The following TNFRSF11A variants were observed in gnomAD, a reference collection of about 807,000 sequenced individuals.
TNFRSF11A encodes the protein tumor necrosis factor receptor superfamily member 11A.
Under a neutral mutation model 55.7 loss-of-function variants are expected in TNFRSF11A, and 32 were observed. The ratio of observed to expected loss-of-function variants is 0.57; its 90% confidence interval spans 0.43 to 0.77. The LOEUF (loss-of-function observed/expected upper bound fraction) is 0.77. Among genes scored for constraint, TNFRSF11A ranks in the 30% least tolerant of loss-of-function variants. The pLI, the probability that TNFRSF11A is intolerant of heterozygous loss-of-function variation, is 0.00. For synonymous variants in TNFRSF11A, 311 were observed against 331.0 expected (o/e 0.94, Z 0.65); for missense variants, 753 against 809.8 (o/e 0.93, Z 0.85).
rs1200908304 is a variant in TNFRSF11A, at chr18:62,385,082, G to T, written c.*48G>T. ...CGAAGCTCGGAGCCAGGGCTCGCGA[G>T]GGCAGCACCGCAGCCTCTGCCCCAG... is the stretch of plus-strand genomic sequence containing the variant. On this transcript the variant is annotated 3_prime_UTR_variant, in exon 10 of 10. Coordinates refer to ENST00000586569, the MANE Select transcript of TNFRSF11A (RefSeq NM_003839.4). 8.5e-6 allele frequency: 12 copies of T among 1,419,400 alleles called. No individual in the cohort carries two copies. The highest frequency in any genetic ancestry group is 1.0e-5 in the Non-Finnish European group (11 of 1,097,468). 87.9% of individuals were successfully genotyped at this position (1,419,400 alleles called of 1,614,324 possible).
At chr18:62,355,434 C>T (rs1312311348) in intron 4 of TNFRSF11A, among the ~76,000 whole-genome samples, 1 of 152,106 alleles carries the variant, frequency 6.6e-6, no homozygotes, top group Non-Finnish European at 1.5e-5. Flanking sequence ...TGCACCACCA[C>T]GCCTGGCTAA....
In TNFRSF11A at chr18:62,325,436, C is replaced by A. The variant is rs1355622513; in HGVS notation, c.75+9C>A. The A allele has an allele frequency of 9.6e-6, 12 of 1,256,538 alleles. No individual in the cohort carries two copies. The highest frequency in any genetic ancestry group is 1.0e-5 in the Non-Finnish European group (10 of 988,100). The allele number at this position is 1,256,538 out of a possible 1,614,324, so 77.8% of individuals were successfully genotyped here. ...TGCTCGCCCGGCTGCAGGTAAGGAG[C>A]GCCCGCGCCTGCCGGGCCGCGCGGC... is the stretch of plus-strand genomic sequence containing the variant. On this transcript the variant is annotated intron_variant, in intron 1 of 9. Transcript: ENST00000586569. The surrounding 1 kb of genome is among the most constrained non-coding windows in gnomAD (Gnocchi z 4.7).
In TNFRSF11A at chr18:62,380,064, A is replaced by G. The variant is rs564771737; in HGVS notation, c.1568-4687A>G. On this transcript the variant is annotated intron_variant, in intron 9 of 9. Transcript: ENST00000586569. The stretch of plus-strand genomic sequence containing the variant: ...ACATAACTGACATAGCCCAGTGGAA[A>G]ATGAAAAATTTTCCCCTTTTGCAAA... 5.9e-5 allele frequency among the ~76,000 whole-genome samples: 9 copies of G among 152,322 alleles called. No individual in the cohort carries two copies. The South Asian group carries it at 1.9e-3, about 32-fold the overall frequency.
chr18:62,326,533 G>GT (rs1358753006), intron 1 of TNFRSF11A, among the ~76,000 whole-genome samples: 2 of 152,180 alleles, frequency 1.3e-5, no homozygotes, highest in Non-Finnish European at 2.9e-5. Context: ...GTTGAACGGG[G>GT]TGCTACCTTA....
chr18:62,379,496 A>G (rs1350933690), intron 9 of TNFRSF11A, among the ~76,000 whole-genome samples: 1 of 152,226 alleles, frequency 6.6e-6, no homozygotes, highest in Non-Finnish European at 1.5e-5. Flanking sequence ...TATTTCTATG[A>G]AAACTACTGA....
At chr18:62,378,247 A>T (rs1042921988) in intron 9 of TNFRSF11A, 1 of 152,210 alleles carries the variant, frequency 6.6e-6, no homozygotes. Flanking sequence ...TTAGATAAGG[A>T]TATTACCAAC....
At chr18:62,366,844 C>T in intron 8 of TNFRSF11A, 84 bp downstream of exon 8, 9 of 1,307,360 alleles carry the variant, frequency 6.9e-6, no homozygotes, top group Non-Finnish European at 9.9e-6. Context: ...TATTGAGCAC[C>T]CCCCCCCACC....
chr18:62,354,575 C>T (rs1909111317), intron 4 of TNFRSF11A, 41 bp downstream of exon 4: 1 of 1,599,618 alleles, frequency 6.3e-7, no homozygotes, highest in South Asian at 1.1e-5. Flanking sequence ...CTTGCTGAGC[C>T]ATGCAAAGCC....
chr18:62,368,123 A>G (rs2145352864), intron 8 of TNFRSF11A, among the ~76,000 whole-genome samples: 1 of 152,290 alleles, frequency 6.6e-6, no homozygotes, highest in African/African-American at 2.4e-5. Context: ...TAAAATGTAT[A>G]CATTTGAAAG....
chr18:62,364,127 C>A (rs1232955910), intron 7 of TNFRSF11A, among the ~76,000 whole-genome samples: 1 of 152,170 alleles, frequency 6.6e-6, no homozygotes, highest in Non-Finnish European at 1.5e-5. Context: ...CAGCCCATCC[C>A]TGGGGCCAGC....
intron 1 of TNFRSF11A, among the ~76,000 whole-genome samples, chr18:62,341,835 G>GTTT (rs1568475429): frequency 8.4e-4 from 58 of 68,840 alleles, no homozygotes; most frequent in Admixed American, 1.3e-3. Context: ...GCTGAGAATG[G>GTTT]CTTTTTTTTT....
chr18:62,332,225 T>C (rs2046165682), intron 1 of TNFRSF11A, among the ~76,000 whole-genome samples: 1 of 152,224 alleles, frequency 6.6e-6, no homozygotes, highest in Admixed American at 6.5e-5. Context: ...ATCCCACAGA[T>C]GGGAAATGGA....
intron 1 of TNFRSF11A, among the ~76,000 whole-genome samples, chr18:62,341,640 A>G (rs898164355): frequency 6.6e-6 from 1 of 151,958 alleles, no homozygotes; most frequent in East Asian, 1.9e-4. Context: ...TCACATCTCC[A>G]TTTCTCCCAG....
At position 62,368,959 on chromosome 18, in the gene TNFRSF11A, G is replaced by T; in HGVS notation, c.1042G>T (p.Glu348Ter). 1 of 1,614,258 alleles carries T rather than the reference G, an allele frequency of 6.2e-7. No homozygotes were observed. The highest frequency in any genetic ancestry group is 8.5e-7 in the Non-Finnish European group (1 of 1,180,054). Residue 348 changes from glutamate (E) to a stop codon, truncating the protein, a stop_gained, in exon 9 of 10, where the codon GAA (glutamate) becomes TAA (stop). Coordinates refer to ENST00000586569, the MANE Select transcript of TNFRSF11A (RefSeq NM_003839.4). LOFTEE classifies it high-confidence loss of function. Reference sequence around the variant, plus strand: ...CTTCAGACAGATGCCCACAGAAGATGAATACATGGACAGGCCCTCCCAGCC... The same window carrying T: ...CTTCAGACAGATGCCCACAGAAGATTAATACATGGACAGGCCCTCCCAGCC... ...DSFRQMPTED[E>*]YMDRPSQPTD...
At position 62,363,724 on chromosome 18, in the gene TNFRSF11A, G is replaced by A. The variant is rs576379534; in HGVS notation, c.730+1931G>A. 2.1e-4 allele frequency among the ~76,000 whole-genome samples: 32 copies of A among 152,248 alleles called. No homozygotes were observed. The South Asian group carries it at 6.2e-3, about 30-fold the overall frequency. Reference sequence around the variant, plus strand: ...TTGTTGAATGCCTTTATTTAGTGCAGCTTCACCTCCTTAACAACATCATTA... The same window carrying A: ...TTGTTGAATGCCTTTATTTAGTGCAACTTCACCTCCTTAACAACATCATTA... On this transcript the variant is annotated intron_variant, in intron 7 of 9. Transcript: ENST00000586569.
chr18:62,385,095 G>A lies in TNFRSF11A; in HGVS notation c.*61G>A. 1 of 1,391,536 alleles carries A rather than the reference G, an allele frequency of 7.2e-7. No homozygotes were observed. The highest frequency in any genetic ancestry group is 9.2e-7 in the Non-Finnish European group (1 of 1,082,376). 86.2% of individuals were successfully genotyped at this position (1,391,536 alleles called of 1,614,324 possible). A position where few individuals can be genotyped will look rare whatever the true frequency, so the allele number is the denominator to read the frequency against. On this transcript the variant is annotated 3_prime_UTR_variant, in exon 10 of 10. Coordinates refer to ENST00000586569, the MANE Select transcript of TNFRSF11A (RefSeq NM_003839.4). Reference sequence around the variant, plus strand: ...CAGGGCTCGCGAGGGCAGCACCGCAGCCTCTGCCCCAGCCCCGGCCACCCA... The same window carrying A: ...CAGGGCTCGCGAGGGCAGCACCGCAACCTCTGCCCCAGCCCCGGCCACCCA...
At chr18:62,349,269 CA>C (rs1226489180) in intron 2 of TNFRSF11A, among the ~76,000 whole-genome samples, 1 of 151,764 alleles carries the variant, frequency 6.6e-6, no homozygotes, top group Non-Finnish European at 1.5e-5. Flanking sequence ...CTCCATCTCC[CA>C]GAGGTTGAGG....
chr18:62,334,989 C>T (rs1444632895), intron 1 of TNFRSF11A, among the ~76,000 whole-genome samples: 1 of 152,186 alleles, frequency 6.6e-6, no homozygotes, highest in East Asian at 1.9e-4. Context: ...GCTGGAACCT[C>T]TGTCTTAAAC....
chr18:62,383,275 G>A lies in TNFRSF11A; in HGVS notation c.1568-1476G>A, dbSNP rs1414889487. Among the ~76,000 whole-genome samples the A allele has an allele frequency of 3.3e-5, 5 of 152,140 alleles. No individual in the cohort carries two copies. ...CTTGTGTCTTCATGGGCTTTTCCTT[G>A]TGTTTTGGTCTTGGCTTCTCTAGAG... is the stretch of plus-strand genomic sequence containing the variant. On this transcript the variant is annotated intron_variant, in intron 9 of 9. Transcript: ENST00000586569. This position sits in a 1 kb window ranked among gnomAD's most constrained non-coding sequence, Gnocchi z 4.2.
Sources: allele counts gnomAD v4.1 joint callset (sites outside exome capture counted in the v4.1 genomes callset), GRCh38; gene constraint gnomAD v4.1.1; non-coding constraint Gnocchi (gnomAD v3.1); transcripts MANE v1.5; gene names NCBI Gene and HGNC (gene_info 2026-07-23, HGNC 2026-07-21).